The following CCDC178 variants were observed in gnomAD, a reference collection of about 807,000 sequenced individuals.
CCDC178 encodes coiled-coil domain-containing protein 178.
In CCDC178, 126 loss-of-function variants were observed where a neutral mutation model predicts 117.4. That is an observed-to-expected ratio of 1.07 (90% CI 0.93 to 1.24). The LOEUF is 1.24. CCDC178 is among the 50% of genes most tolerant of loss of function. CCDC178 has a pLI of 0.00. For missense variants in CCDC178, 1,030 were observed against 986.9 expected (o/e 1.04, Z -0.59); for synonymous variants, 283 against 313.4 (o/e 0.90, Z 1.02).
At chr18:33,023,708 T>C (rs1333500245) in intron 21 of CCDC178, among the ~76,000 whole-genome samples, 4 of 150,658 alleles carry the variant, frequency 2.7e-5, no homozygotes, top group African/African-American at 9.8e-5. Context: ...AGCAAGTAAA[T>C]GGAAAAAATA....
chr18:33,374,114 G>A (rs1033877734), intron 5 of CCDC178, among the ~76,000 whole-genome samples: 1 of 152,108 alleles, frequency 6.6e-6, no homozygotes. Context: ...CAGTGATCCC[G>A]CTGAGTTGAA....
intron 21 of CCDC178, among the ~76,000 whole-genome samples, chr18:33,001,356 AC>A (rs2055629075): frequency 6.6e-6 from 1 of 151,954 alleles, no homozygotes; most frequent in African/African-American, 2.4e-5. Context: ...CTACTAAAAT[AC>A]AAAAAATTAG....
intron 4 of CCDC178, among the ~76,000 whole-genome samples, chr18:33,396,806 T>C (rs892960201): frequency 6.6e-6 from 1 of 152,118 alleles, no homozygotes; most frequent in African/African-American, 2.4e-5. Context: ...CAGGGAGACC[T>C]TCTGAAATGC....
intron 2 of CCDC178, among the ~76,000 whole-genome samples, chr18:33,416,344 G>A (rs563248928): frequency 1.7e-4 from 26 of 151,990 alleles, no homozygotes; most frequent in African/African-American, 5.5e-4. Flanking sequence ...GGAGAATGGC[G>A]TGAACCCAGA....
chr18:33,179,167 A>G (rs1195030561), intron 20 of CCDC178, among the ~76,000 whole-genome samples: 1 of 135,468 alleles, frequency 7.4e-6, no homozygotes. Flanking sequence ...TAAACTATAT[A>G]TATAGTTTTA....
intron 20 of CCDC178, among the ~76,000 whole-genome samples, chr18:33,166,630 T>C (rs2058533109): frequency 1.3e-5 from 2 of 152,162 alleles, no homozygotes; most frequent in South Asian, 4.1e-4. Context: ...CAAATAGACA[T>C]TCATTTTCAC....
chr18:33,338,587 G>C (rs1472384653), intron 9 of CCDC178, among the ~76,000 whole-genome samples: 2 of 152,094 alleles, frequency 1.3e-5, no homozygotes, highest in East Asian at 3.8e-4. Flanking sequence ...TAAAATAATG[G>C]CATTCACAGC....
intron 11 of CCDC178, among the ~76,000 whole-genome samples, chr18:33,309,832 T>C (rs2062311287): frequency 6.6e-6 from 1 of 152,112 alleles, no homozygotes; most frequent in African/African-American, 2.4e-5. Flanking sequence ...TAAAGATGTA[T>C]TTTTGCATAA....
chr18:33,228,827 G>T (rs548172351), intron 15 of CCDC178, among the ~76,000 whole-genome samples: 7 of 152,214 alleles, frequency 4.6e-5, no homozygotes, highest in African/African-American at 1.4e-4. Context: ...CCTATGAGAC[G>T]GTCCTCTTTA....
At chr18:33,162,129 C>T (rs578083092) in intron 20 of CCDC178, among the ~76,000 whole-genome samples, 98 of 152,040 alleles carry the variant, frequency 6.4e-4, no homozygotes, top group Middle Eastern at 3.4e-3. Flanking sequence ...GGGAACTGAA[C>T]AATGAGAACA....
intron 2 of CCDC178, among the ~76,000 whole-genome samples, chr18:33,413,392 C>T (rs2063886475): frequency 6.6e-6 from 1 of 151,930 alleles, no homozygotes; most frequent in Admixed American, 6.6e-5. Context: ...GTTTTATGGA[C>T]ATTAACATTT....
chr18:33,399,140 C>T (rs530318951), intron 3 of CCDC178, among the ~76,000 whole-genome samples: 17 of 151,374 alleles, frequency 1.1e-4, no homozygotes, highest in African/African-American at 1.5e-4. Context: ...GCGGAGGTTG[C>T]GCTGAGCTGA....
At chr18:33,188,387 T>G (rs776087128) in intron 20 of CCDC178, among the ~76,000 whole-genome samples, 1 of 152,216 alleles carries the variant, frequency 6.6e-6, no homozygotes, top group East Asian at 1.9e-4. Context: ...AGGGAATTAA[T>G]CAAATGTCCT....
chr18:33,366,649 T>C (rs1349817224), intron 6 of CCDC178, among the ~76,000 whole-genome samples: 1 of 152,042 alleles, frequency 6.6e-6, no homozygotes, highest in African/African-American at 2.4e-5. Flanking sequence ...TTAATGTATT[T>C]ACAGAGTTGT....
intron 21 of CCDC178, among the ~76,000 whole-genome samples, chr18:32,992,130 T>C (rs2055407616): frequency 6.6e-6 from 1 of 152,238 alleles, no homozygotes; most frequent in East Asian, 1.9e-4. Context: ...GTATAAGCGC[T>C]GTAACAACTT....
chr18:33,055,807 A>T lies in CCDC178; in HGVS notation c.2388+36954T>A, dbSNP rs928539602. On this transcript the variant is annotated intron_variant, in intron 21 of 22. Transcript: ENST00000383096. ...GTTTATTACAAGAACTCAATGGATA[A>T]TTTTTTTTTTTTTTTGAGAAGGAGT... Among the ~76,000 whole-genome samples, 73 of 140,426 alleles carry T rather than the reference A, an allele frequency of 5.2e-4. 1 individual carries two copies. Among genetic ancestry groups the T allele is most frequent in the Middle Eastern group, 3.9e-3 (1 of 258 alleles). 92.1% of individuals were successfully genotyped at this position (140,426 alleles called of 152,430 possible). A position where few individuals can be genotyped will look rare whatever the true frequency, so the allele number is the denominator to read the frequency against.
chr18:32,988,978 C>T (rs1207095821), intron 21 of CCDC178, among the ~76,000 whole-genome samples: 2 of 152,064 alleles, frequency 1.3e-5, no homozygotes, highest in South Asian at 2.1e-4. Flanking sequence ...TTTAAAATTG[C>T]CCTCATACAG....
At chr18:33,124,305 C>T (rs1488758114) in intron 20 of CCDC178, among the ~76,000 whole-genome samples, 1 of 152,172 alleles carries the variant, frequency 6.6e-6, no homozygotes, top group Non-Finnish European at 1.5e-5. Flanking sequence ...CTTGTCTCAT[C>T]GATAACAAAT....
At chr18:33,087,159 C>A (rs1348640090) in intron 21 of CCDC178, among the ~76,000 whole-genome samples, 2 of 152,126 alleles carry the variant, frequency 1.3e-5, no homozygotes, top group African/African-American at 4.8e-5. Context: ...ATGTTCATTG[C>A]TATGCCACTC....
Sources: allele counts gnomAD v4.1 joint callset (sites outside exome capture counted in the v4.1 genomes callset), GRCh38; gene constraint gnomAD v4.1.1; transcripts MANE v1.5; gene names NCBI Gene and HGNC (gene_info 2026-07-23, HGNC 2026-07-21).